Variants in LONRF3 observed in about 807,000 individuals in gnomAD.
The protein encoded by LONRF3 is LON peptidase N-terminal domain and ring finger 3, also known as LON peptidase N-terminal domain and RING finger protein 3.
Under a neutral mutation model 51.7 loss-of-function variants are expected in LONRF3, and 19 were observed. The ratio of observed to expected loss-of-function variants is 0.37; its 90% CI spans 0.26 to 0.54. LONRF3 has a LOEUF of 0.54. Among genes scored for constraint, LONRF3 ranks in the 20% least tolerant of loss-of-function variants. The pLI is 0.86. For synonymous variants in LONRF3, 265 were observed against 257.8 expected (o/e 1.03, Z -0.27); for missense variants, 521 against 623.9 (o/e 0.84, Z 1.76).
Position 118,989,686 on chromosome X carries a change from C to G in LONRF3, c.1324+14C>G. The G allele has an allele frequency of 8.3e-7, 1 of 1,200,286 alleles. No individual in the cohort carries two copies. The highest frequency in any genetic ancestry group is 1.1e-6 in the Non-Finnish European group (1 of 890,155). ...CCTCCAAGCAAGGTACTGGCTCTAC[C>G]CAGAGAGAAGGTAGCTTGGAGGAGA... On this transcript the variant is annotated intron_variant, in intron 4 of 10. Transcript: ENST00000371628.
chrX:118,976,214 A>G (rs1325830152), intron 1 of LONRF3: 1 of 113,284 alleles, frequency 8.8e-6, no homozygotes, highest in Non-Finnish European at 1.9e-5. Flanking sequence ...TCAGGAGAGC[A>G]CTGGTTGCAT....
intron 5 of LONRF3, among the ~76,000 whole-genome samples, chrX:118,996,853 C>T (rs1302854836): frequency 1.9e-5 from 2 of 104,232 alleles, no homozygotes; most frequent in Non-Finnish European, 3.9e-5. Context: ...ACCCAGGAGG[C>T]GGAGCTTGCA....
At chrX:119,016,179 C>A (rs1353943646) in intron 10 of LONRF3, among the ~76,000 whole-genome samples, 2 of 111,413 alleles carry the variant, frequency 1.8e-5, no homozygotes, top group South Asian at 3.8e-4. Flanking sequence ...TAAAACCAAA[C>A]TTGTGAAAGT....
intron 3 of LONRF3, among the ~76,000 whole-genome samples, chrX:118,988,007 G>C (rs1017331803): frequency 1.8e-5 from 2 of 111,257 alleles, no homozygotes; most frequent in Non-Finnish European, 3.8e-5. Flanking sequence ...GAGGGTAAGT[G>C]GTCAGAAGTT....
chrX:118,978,971 C>T (rs1188355212), intron 2 of LONRF3, among the ~76,000 whole-genome samples: 1 of 103,635 alleles, frequency 9.6e-6, no homozygotes, highest in Non-Finnish European at 2.0e-5. Flanking sequence ...TCCTTCCTTT[C>T]TCTCTCTCTC....
chrX:119,013,450 C>T (rs1431206959), intron 9 of LONRF3, among the ~76,000 whole-genome samples: 2 of 112,255 alleles, frequency 1.8e-5, no homozygotes, highest in African/African-American at 3.2e-5. Flanking sequence ...TAGATCAACC[C>T]TGGGGCTCAT....
intron 8 of LONRF3, chrX:119,012,748 A>G (rs954624498): frequency 1.9e-5 from 8 of 420,843 alleles, no homozygotes; most frequent in Non-Finnish European, 3.1e-5. Context: ...ATGTTACAAT[A>G]GCAATTAAAT....
chrX:118,978,240 G>A (rs755414505), intron 1 of LONRF3, 105 bp from the exon 2 acceptor site: 1 of 521,296 alleles, frequency 1.9e-6, no homozygotes, highest in Non-Finnish European at 3.3e-6. Flanking sequence ...CAGTAGAAAA[G>A]TCCTAGAAAA....
At chrX:118,981,483 CAA>C (rs10669908) in intron 2 of LONRF3, among the ~76,000 whole-genome samples, 3 of 76,057 alleles carry the variant, frequency 3.9e-5, no homozygotes, top group Admixed American at 1.6e-4. Flanking sequence ...GATTCTATCT[CAA>C]AAAAAAAAAA....
chrX:119,008,506 C>A (rs957768628), intron 6 of LONRF3, among the ~76,000 whole-genome samples: 7 of 111,652 alleles, frequency 6.3e-5, no homozygotes, highest in African/African-American at 2.3e-4. Context: ...GACTTTTAAT[C>A]TCAGTGATAC....
intron 7 of LONRF3, among the ~76,000 whole-genome samples, chrX:119,010,402 GAGAAC>G (rs1265911332): frequency 1.8e-5 from 2 of 111,955 alleles, no homozygotes; most frequent in South Asian, 3.8e-4. Flanking sequence ...CCACTGTGTA[GAGAAC>G]ATTCGTAAAC....
At chrX:119,006,460 G>C (rs1032157259) in intron 6 of LONRF3, among the ~76,000 whole-genome samples, 2 of 105,449 alleles carry the variant, frequency 1.9e-5, no homozygotes, top group Non-Finnish European at 3.9e-5. Context: ...GAGTGCAGTG[G>C]CGTGATCGCG....
chrX:118,994,460 A>G (rs184324526), intron 5 of LONRF3, among the ~76,000 whole-genome samples: 2 of 110,475 alleles, frequency 1.8e-5, no homozygotes, highest in South Asian at 3.9e-4. Flanking sequence ...CTGGAGCGCA[A>G]TGGTGTGATC....
chrX:119,014,414 T>C, intron 10 of LONRF3, 58 bp downstream of exon 10: 3 of 1,048,761 alleles, frequency 2.9e-6, no homozygotes, highest in Non-Finnish European at 3.9e-6. Context: ...GTGCCTAGTG[T>C]TTGTGATTAG....
intron 5 of LONRF3, among the ~76,000 whole-genome samples, chrX:119,004,333 C>T (rs975346356): frequency 8.9e-6 from 1 of 112,385 alleles, no homozygotes; most frequent in Non-Finnish European, 1.9e-5. Context: ...TCCAGACCTC[C>T]ATTGGCTTGT....
At position 119,006,220 on chromosome X, in the gene LONRF3, A is replaced by G. The variant is rs1924690980; in HGVS notation, c.1515A>G (p.Lys505=). 1 of 1,167,369 alleles carries G rather than the reference A, an allele frequency of 8.6e-7. No homozygotes were observed. Among genetic ancestry groups the G allele is most frequent in the Non-Finnish European group, 1.2e-6 (1 of 861,616 alleles). Residue 505 remains lysine (K), a synonymous_variant, in exon 6 of 11, where the codon AAA becomes AAG. Transcript: ENST00000371628. ...ACAACGCAAAGTGTCCATTGTGCAAAGACGGTCTTTCACAGGTAAATCAAT... is the reference window on the plus strand; with the variant it reads ...ACAACGCAAAGTGTCCATTGTGCAAGGACGGTCTTTCACAGGTAAATCAAT... ...LDHNAKCPLC[K]DGLSQCLASR...
intron 5 of LONRF3, among the ~76,000 whole-genome samples, chrX:119,003,695 T>G (rs1431215317): frequency 1.8e-5 from 2 of 112,655 alleles, no homozygotes; most frequent in Admixed American, 1.9e-4. Context: ...CAGATGTATC[T>G]TGGCTCTTGG....
intron 1 of LONRF3, among the ~76,000 whole-genome samples, chrX:118,977,363 C>A (rs1922167985): frequency 8.9e-6 from 1 of 111,961 alleles, no homozygotes; most frequent in Non-Finnish European, 1.9e-5. Flanking sequence ...TCTGTTGCCA[C>A]CACATTCCCC....
At chrX:118,989,172 G>T (rs1923227874) in intron 3 of LONRF3, among the ~76,000 whole-genome samples, 1 of 111,295 alleles carries the variant, frequency 9.0e-6, no homozygotes, top group African/African-American at 3.3e-5. Context: ...TCCTGTCCTT[G>T]CCTAAGGAAG....
Sources: gnomAD v4.1 joint callset for allele counts (sites outside exome capture counted in the v4.1 genomes callset) on GRCh38, gnomAD v4.1.1 for gene constraint, MANE v1.5 for transcripts, NCBI Gene and HGNC (gene_info 2026-07-23, HGNC 2026-07-21) for gene names.